HDAC4: variants seen among roughly 807,000 people sequenced by gnomAD.
HDAC4 encodes histone deacetylase A.
Under a neutral mutation model 135.1 loss-of-function variants are expected in HDAC4, and 16 were observed. The observed-to-expected ratio is 0.12, with a 90% CI of 0.08 to 0.18. The LOEUF (loss-of-function observed/expected upper bound fraction) is 0.18. HDAC4 is among the 10% of genes least tolerant of loss of function. The pLI, the probability that HDAC4 is intolerant of heterozygous loss-of-function variation, is 1.00. For synonymous variants in HDAC4, 685 were observed against 653.4 expected, an observed-to-expected ratio of 1.05 and a Z score of -0.74; for missense variants, 1,143 against 1,511.8, an observed-to-expected ratio of 0.76 and a Z score of 4.05.
At chr2:239,368,566 CAG>C (rs1171798413) in intron 1 of HDAC4, among the ~76,000 whole-genome samples, 3 of 152,068 alleles carry the variant, frequency 2.0e-5, no homozygotes, top group Admixed American at 6.5e-5. Context: ...TGGGGGATAA[CAG>C]GGGGGTACAA....
chr2:239,178,532 A>T (rs1299227864), intron 4 of HDAC4, among the ~76,000 whole-genome samples: 3 of 152,098 alleles, frequency 2.0e-5, no homozygotes, highest in African/African-American at 7.2e-5. Context: ...ACAGGTGCAC[A>T]CCACTGCACC....
intron 2 of HDAC4, among the ~76,000 whole-genome samples, chr2:239,269,862 T>C (rs2049963195): frequency 6.6e-6 from 1 of 152,202 alleles, no homozygotes; most frequent in Admixed American, 6.5e-5. Flanking sequence ...CCAGCAATGA[T>C]GGGTTTGGTT....
At chr2:239,265,913 T>G (rs2049696498) in intron 2 of HDAC4, among the ~76,000 whole-genome samples, 1 of 152,226 alleles carries the variant, frequency 6.6e-6, no homozygotes, top group African/African-American at 2.4e-5. Context: ...GCTGGAGTAC[T>G]GACCTCCTGG....
At chr2:239,063,165 C>T (rs546512593) in intron 24 of HDAC4, among the ~76,000 whole-genome samples, 3 of 152,236 alleles carry the variant, frequency 2.0e-5, no homozygotes, top group South Asian at 4.1e-4. Context: ...CGTTCCCATC[C>T]CCCATCCTCC....
intron 1 of HDAC4, among the ~76,000 whole-genome samples, chr2:239,394,128 A>G (rs1178248858): frequency 5.9e-5 from 9 of 152,190 alleles, no homozygotes; most frequent in African/African-American, 1.7e-4. Flanking sequence ...CCGCTTGAAC[A>G]ATACTCCCAC....
intron 9 of HDAC4, among the ~76,000 whole-genome samples, chr2:239,138,851 C>T (rs112455141): frequency 7.7e-4 from 118 of 152,348 alleles, no homozygotes; most frequent in African/African-American, 2.6e-3. Context: ...TCAAGGAACA[C>T]GGAGCGAGGT....
At chr2:239,083,194 C>T (rs749368700) in intron 20 of HDAC4, among the ~76,000 whole-genome samples, 3 of 152,242 alleles carry the variant, frequency 2.0e-5, no homozygotes, top group Non-Finnish European at 4.4e-5. Context: ...GCACGCCACA[C>T]AGGGTCTACG....
rs1327742234 is a variant in HDAC4 at position 239,068,207 on chromosome 2, C to T, written c.2869+282G>A. Among the ~76,000 whole-genome samples, 1 of 152,304 alleles carries T rather than the reference C, an allele frequency of 6.6e-6. No homozygotes were observed. Among genetic ancestry groups the T allele is most frequent in the African/African-American group, 2.4e-5 (1 of 41,576 alleles). On this transcript the variant is annotated intron_variant, in intron 23 of 26. Coordinates refer to ENST00000543185, the MANE Select transcript of HDAC4 (RefSeq NM_001378414.1). This position sits in a 1 kb window ranked among gnomAD's most constrained non-coding sequence, Gnocchi z 4.4. ...AGGACCTGCCCCTGGAGGTGGCCTG[C>T]AGGTCCCTAGGCACCCGCATCCCAG...
chr2:239,324,634 G>A (rs1053723229), intron 2 of HDAC4, among the ~76,000 whole-genome samples: 2 of 152,210 alleles, frequency 1.3e-5, no homozygotes, highest in African/African-American at 2.4e-5. Context: ...ATGGTCGGAA[G>A]AGCCCCACTC....
chr2:239,085,454 T>C (rs1214073515), intron 19 of HDAC4, among the ~76,000 whole-genome samples: 1 of 152,230 alleles, frequency 6.6e-6, no homozygotes, highest in Admixed American at 6.5e-5. Flanking sequence ...TCCTAGACGC[T>C]GAGCTCCTGC....
chr2:239,363,833 C>T (rs761430429), intron 1 of HDAC4, among the ~76,000 whole-genome samples: 18 of 152,222 alleles, frequency 1.2e-4, no homozygotes, highest in African/African-American at 3.6e-4. Flanking sequence ...CAGCAAGGGA[C>T]GGATATTCAA....
intron 12 of HDAC4, among the ~76,000 whole-genome samples, chr2:239,124,359 G>A (rs1044012174): frequency 3.9e-5 from 6 of 152,250 alleles, no homozygotes; most frequent in Admixed American, 3.3e-4. Flanking sequence ...GTCTCTGTGA[G>A]TCTGTCTGTT....
At position 239,348,803 on chromosome 2, in the gene HDAC4, G is replaced by A. The variant is rs529350067; in HGVS notation, c.22+3875C>T. ...TCAATCCAGGTTCTTCCCTCAGGCC[G>A]CTCACATCATTAGAAATCGTTCTTT... is the stretch of plus-strand genomic sequence containing the variant. On this transcript the variant is annotated intron_variant, in intron 2 of 26. Coordinates refer to ENST00000543185, the MANE Select transcript of HDAC4 (RefSeq NM_001378414.1). Among the ~76,000 whole-genome samples the A allele has an allele frequency of 5.9e-5, 9 of 152,352 alleles. No individual in the cohort carries two copies. In the East Asian group the frequency reaches 7.7e-4, roughly 13 times the overall value.
intron 2 of HDAC4, among the ~76,000 whole-genome samples, chr2:239,314,293 G>C (rs1339233895): frequency 6.6e-6 from 1 of 152,168 alleles, no homozygotes; most frequent in Non-Finnish European, 1.5e-5. Flanking sequence ...TCAGTTGTAG[G>C]AAAATCAGGC....
chr2:239,098,496 G>T (rs1049240797), intron 16 of HDAC4, among the ~76,000 whole-genome samples: 8 of 152,204 alleles, frequency 5.3e-5, no homozygotes, highest in African/African-American at 1.7e-4. Flanking sequence ...ACTCGCCAGG[G>T]GCCCAGCTCT....
intron 1 of HDAC4, among the ~76,000 whole-genome samples, chr2:239,397,453 A>T (rs930541634): frequency 6.6e-6 from 1 of 152,072 alleles, no homozygotes; most frequent in Non-Finnish European, 1.5e-5. Flanking sequence ...ATCCCCCGAC[A>T]GTGATACAGG....
intron 2 of HDAC4, among the ~76,000 whole-genome samples, chr2:239,291,363 G>A (rs1178255943): frequency 2.0e-5 from 3 of 152,212 alleles, no homozygotes; most frequent in South Asian, 2.1e-4. Context: ...GAAAATAGCC[G>A]GTGTTTGTTT....
intron 17 of HDAC4, among the ~76,000 whole-genome samples, chr2:239,090,903 A>G (rs1379763591): frequency 6.6e-6 from 1 of 152,248 alleles, no homozygotes; most frequent in African/African-American, 2.4e-5. Flanking sequence ...AGTCTCTTCC[A>G]ATAGTGACTT....
At chr2:239,332,875 G>A (rs11683224) in intron 2 of HDAC4, among the ~76,000 whole-genome samples, 49,938 of 150,956 alleles carry the variant, frequency 0.33, 9,285 homozygotes, top group Non-Finnish European at 0.43. Flanking sequence ...AATTTAAAAG[G>A]GGATGACACT....
Sources: allele counts gnomAD v4.1 joint callset (sites outside exome capture counted in the v4.1 genomes callset), GRCh38; gene constraint gnomAD v4.1.1; non-coding constraint Gnocchi (gnomAD v3.1); transcripts MANE v1.5; gene names NCBI Gene and HGNC (gene_info 2026-07-23, HGNC 2026-07-21).